The following TMEM67 variants were observed in gnomAD, a reference collection of about 807,000 sequenced individuals.
TMEM67 encodes transmembrane protein 67.
In TMEM67, 124 loss-of-function variants were observed where a neutral mutation model predicts 136.6. The ratio of observed to expected loss-of-function variants is 0.91; its 90% CI spans 0.78 to 1.05. TMEM67 has a LOEUF of 1.05. TMEM67 is among the 50% of genes least tolerant of loss of function. The pLI is 0.00. For missense variants in TMEM67, 1,107 were observed against 1,178.4 expected (o/e 0.94, Z 0.89); for synonymous variants, 364 against 390.5 (o/e 0.93, Z 0.80).
At position 93,809,660 on chromosome 8, in the gene TMEM67, T is replaced by G. The variant is rs926435951; in HGVS notation, c.2662-125T>G. ...GTTTCAATGTAGTAACTTCAGTCTT[T>G]TTGAAGAACAGATTTTCTTTATATA... On this transcript the variant is annotated intron_variant, in intron 25 of 27. Coordinates refer to ENST00000453321, the MANE Select transcript of TMEM67 (RefSeq NM_153704.6). 5 of 650,736 alleles carry G rather than the reference T, an allele frequency of 7.7e-6. No individual in the cohort carries two copies. The African/African-American group carries it at 9.2e-5, about 12-fold the overall frequency. The allele number at this position is 650,736 out of a possible 1,614,324, so 40.3% of individuals were successfully genotyped here. A position where few individuals can be genotyped will look rare whatever the true frequency, so the allele number is the denominator to read the frequency against.
At chr8:93,814,658 T>TC (rs1808837425) in intron 26 of TMEM67, among the ~76,000 whole-genome samples, 1 of 150,722 alleles carries the variant, frequency 6.6e-6, no homozygotes, top group Non-Finnish European at 1.5e-5. Flanking sequence ...CTTTCTTTTT[T>TC]TTTTTTTTTG....
chr8:93,763,767 A>G (rs776927577), intron 3 of TMEM67, 75 bp from the exon 4 acceptor site: 3 of 1,011,196 alleles, frequency 3.0e-6, no homozygotes, highest in Non-Finnish European at 4.6e-6. Flanking sequence ...GGGTTTTGTT[A>G]AATATTTTCT....
At chr8:93,788,071 A>C in intron 14 of TMEM67, 122 bp downstream of exon 14, 1 of 725,542 alleles carries the variant, frequency 1.4e-6, no homozygotes, top group Non-Finnish European at 2.4e-6. Context: ...ACCTTTCTCT[A>C]CATATAGTCA....
chr8:93,795,255 C>T, intron 16 of TMEM67, 154 bp from the exon 17 acceptor site: 1 of 703,160 alleles, frequency 1.4e-6, no homozygotes, highest in Non-Finnish European at 2.5e-6. Context: ...GAGGAGGAAG[C>T]AGGTGGTCTT....
At chr8:93,760,677 CA>C (rs111765822) in intron 3 of TMEM67, among the ~76,000 whole-genome samples, 15 of 127,240 alleles carry the variant, frequency 1.2e-4, no homozygotes, top group Non-Finnish European at 1.0e-4. Context: ...TCTGTGTCTA[CA>C]AAAAAAAAAG....
rs1226271805 is a variant in TMEM67, at chr8:93,806,857, T to C, written c.2439+1979T>C. Among the ~76,000 whole-genome samples, 5 of 152,268 alleles carry C rather than the reference T, an allele frequency of 3.3e-5. No individual in the cohort carries two copies. The South Asian group carries it at 8.3e-4, about 25-fold the overall frequency. On this transcript the variant is annotated intron_variant, in intron 23 of 27. Transcript: ENST00000453321. ...GAAATCATCAAAAAGGGAATATTAA[T>C]TGATGTTACTTTATTAATATAGTAC...
Position 93,787,861 on chromosome 8 carries a change from A to G in TMEM67, c.1430A>G (p.Asn477Ser). The part of the protein sequence containing the change: ...QISLSVHLVP[N>S]TINGNIYPPL... ...TTAAATAGTGTCCACCTTGTACCCA[A>G]CACAATAAATGGAAACATCTACCCT... Residue 477 changes from asparagine to serine, a missense_variant, in exon 14 of 28, where the codon AAC (asparagine) becomes AGC (serine). Asn to Ser is a conservative substitution (Grantham distance 46, BLOSUM62 1). Coordinates refer to ENST00000453321, the MANE Select transcript of TMEM67 (RefSeq NM_153704.6). The G allele has an allele frequency of 6.2e-7, 1 of 1,613,756 alleles. No individual in the cohort carries two copies. Among genetic ancestry groups the G allele is most frequent in the African/African-American group, 1.3e-5 (1 of 75,038 alleles).
the TMEM67 span, among the ~76,000 whole-genome samples, chr8:93,828,858 T>C: frequency 0.018 from 2,783 of 152,294 alleles, 85 homozygotes; most frequent in African/African-American, 0.061. Flanking sequence ...ACAAGACTAT[T>C]GTTAGTCAAG....
intron 2 of TMEM67, among the ~76,000 whole-genome samples, chr8:93,758,256 C>G (rs1377022806): frequency 1.3e-5 from 2 of 152,162 alleles, no homozygotes; most frequent in Non-Finnish European, 2.9e-5. Flanking sequence ...GAACTATTAT[C>G]CGGAGTTAAT....
chr8:93,762,836 C>T (rs1812910395), intron 3 of TMEM67: 3 of 311,066 alleles, frequency 9.6e-6, no homozygotes, highest in Non-Finnish European at 2.0e-5. Flanking sequence ...GGTATGTTTG[C>T]ATAAATGTTT....
At chr8:93,821,073 C>T (rs1563489675), downstream of TMEM67, among the ~76,000 whole-genome samples, 2 of 152,078 alleles carry the variant, frequency 1.3e-5, no homozygotes, top group African/African-American at 4.8e-5. Context: ...TATACACACA[C>T]ATGACAAGGG....
chr8:93,809,708 CCTG>C (rs1808619377), intron 25 of TMEM67, 74 bp from the exon 26 acceptor site: 3 of 856,252 alleles, frequency 3.5e-6, no homozygotes, highest in Non-Finnish European at 5.8e-6. Context: ...CATTTTCTCT[CCTG>C]CTGATTTTAC....
downstream of TMEM67, among the ~76,000 whole-genome samples, chr8:93,820,029 G>A (rs940586952): frequency 2.0e-5 from 3 of 152,118 alleles, no homozygotes; most frequent in Non-Finnish European, 4.4e-5. Context: ...GGGCAACTAG[G>A]GATAGTCTCT....
In TMEM67 at chr8:93,815,365, T is replaced by G. The variant is rs863225233; in HGVS notation, c.2825T>G (p.Phe942Cys). The change falls in exon 27 of 28, where the codon TTT becomes TGT. Residue 942 changes from phenylalanine (F) to cysteine (C), a missense_variant. Physicochemically the swap from Phe to Cys is radical, Grantham distance 205. This residue lies in a region of TMEM67 where 925 missense variants were observed against 1,002.4 expected (regional missense o/e 0.92). Transcript: ENST00000453321. The stretch of plus-strand genomic sequence containing the variant: ...GGAAATGAAGCTACTCTTCTTATTT[T>G]TGATCTGCTGTTCTTCTGTGTTGTG... Reference protein sequence around the residue: ...YYGNEATLLIFDLLFFCVVDL... With the variant: ...YYGNEATLLICDLLFFCVVDL... 2 of 1,612,238 alleles carry G rather than the reference T, an allele frequency of 1.2e-6. No individual in the cohort carries two copies. The highest frequency in any genetic ancestry group is 1.7e-6 in the Non-Finnish European group (2 of 1,178,886).
rs2040490526 is a variant in TMEM67 at position 93,809,228 on chromosome 8, G to A, written c.2661+67G>A. On this transcript the variant is annotated intron_variant, in intron 25 of 27. Coordinates refer to ENST00000453321, the MANE Select transcript of TMEM67 (RefSeq NM_153704.6). ...AATTTTTAAAAAGTTAAGTGGGAAT[G>A]TCAATTATTTCTTCAAGTCAACCAA... 6.4e-6 allele frequency: 6 copies of A among 938,900 alleles called. No homozygotes were observed. In the Admixed American group the frequency reaches 8.5e-5, roughly 13 times the overall value. The allele number at this position is 938,900 out of a possible 1,614,324, so 58.2% of individuals were successfully genotyped here.
chr8:93,805,196 C>T (rs1332863310), intron 23 of TMEM67, among the ~76,000 whole-genome samples: 1 of 152,100 alleles, frequency 6.6e-6, no homozygotes, highest in Non-Finnish European at 1.5e-5. Flanking sequence ...GGTCTTGAAT[C>T]CTGACCTCAG....
At chr8:93,803,581 A>G (rs1205892441) in intron 21 of TMEM67, 23 bp from the exon 22 acceptor site, 5 of 1,462,612 alleles carry the variant, frequency 3.4e-6, no homozygotes, top group South Asian at 1.1e-5. Flanking sequence ...GCTAATAAGC[A>G]TAAACTTGAC....
intron 11 of TMEM67, among the ~76,000 whole-genome samples, chr8:93,782,974 C>G (rs1333866572): frequency 2.0e-5 from 3 of 151,098 alleles, no homozygotes; most frequent in Non-Finnish European, 4.4e-5. Flanking sequence ...AACAGAGCAC[C>G]TTGTTATCTA....
At chr8:93,826,136 T>C in the TMEM67 span, among the ~76,000 whole-genome samples, 2 of 134,518 alleles carry the variant, frequency 1.5e-5, no homozygotes, top group Non-Finnish European at 3.2e-5. Flanking sequence ...TTTTTTTTTT[T>C]TTTTTTTTTT....
Sources: gnomAD v4.1 joint callset for allele counts (sites outside exome capture counted in the v4.1 genomes callset) on GRCh38, gnomAD v4.1.1 for gene constraint, gnomAD v4.1.1 regional missense constraint, MANE v1.5 for transcripts, NCBI Gene and HGNC (gene_info 2026-07-23, HGNC 2026-07-21) for gene names.